Variants in SUSD5 observed in about 807,000 individuals in gnomAD.
SUSD5 encodes sushi domain-containing protein 5.
In SUSD5, 33 loss-of-function variants were observed where a neutral mutation model predicts 29.5. The ratio of observed to expected loss-of-function variants is 1.12; its 90% CI spans 0.85 to 1.49. The LOEUF (loss-of-function observed/expected upper bound fraction) is 1.49. SUSD5 is among the 40% of genes most tolerant of loss of function. The pLI is 0.00. For synonymous variants in SUSD5, 308 were observed against 325.3 expected, an observed-to-expected ratio of 0.95 and a Z score of 0.57; for missense variants, 776 against 800.6, an observed-to-expected ratio of 0.97 and a Z score of 0.37.
At chr3:33,196,821 AC>A (rs537931411) in intron 3 of SUSD5, among the ~76,000 whole-genome samples, 78 of 152,160 alleles carry the variant, frequency 5.1e-4, no homozygotes, top group Non-Finnish European at 1.1e-3. Flanking sequence ...TCCAACCCAA[AC>A]GGCAGTGCCT....
intron 3 of SUSD5, among the ~76,000 whole-genome samples, chr3:33,199,571 C>T (rs2032070869): frequency 6.6e-6 from 1 of 152,158 alleles, no homozygotes; most frequent in African/African-American, 2.4e-5. Context: ...CCACGCCCAA[C>T]CAAAAAAAGT....
intron 2 of SUSD5, among the ~76,000 whole-genome samples, 158 bp from the exon 3 acceptor site, chr3:33,208,084 A>T (rs2032256212): frequency 6.6e-6 from 1 of 151,968 alleles, no homozygotes; most frequent in Admixed American, 6.5e-5. Flanking sequence ...TGCAAAAAAA[A>T]GGTCTAAATT....
intron 4 of SUSD5, among the ~76,000 whole-genome samples, chr3:33,158,650 G>T (rs960471410): frequency 6.6e-6 from 1 of 152,254 alleles, no homozygotes; most frequent in Admixed American, 6.5e-5. Context: ...CATATTCTGC[G>T]GTACTGCAGA....
At chr3:33,178,882 C>A (rs1194681798) in intron 3 of SUSD5, among the ~76,000 whole-genome samples, 1 of 152,168 alleles carries the variant, frequency 6.6e-6, no homozygotes, top group East Asian at 1.9e-4. Flanking sequence ...CACTAGTGAA[C>A]CCTCTGGGCT....
intron 3 of SUSD5, among the ~76,000 whole-genome samples, chr3:33,184,499 A>G (rs12632656): frequency 0.26 from 39,966 of 151,982 alleles, 5,551 homozygotes; most frequent in East Asian, 0.43. Flanking sequence ...GGTCATTACG[A>G]TTTCAAATAT....
intron 4 of SUSD5, among the ~76,000 whole-genome samples, chr3:33,169,133 A>C (rs899780444): frequency 6.6e-6 from 1 of 152,252 alleles, no homozygotes; most frequent in African/African-American, 2.4e-5. Context: ...AAAGGGGCAC[A>C]AGGAAACTTG....
intron 2 of SUSD5, among the ~76,000 whole-genome samples, chr3:33,208,127 T>C (rs184427079): frequency 6.6e-6 from 1 of 152,340 alleles, no homozygotes; most frequent in Non-Finnish European, 1.5e-5. Flanking sequence ...GTTGATGTTA[T>C]AGGTATCAAT....
chr3:33,154,452 G>A (rs767220691), intron 4 of SUSD5, among the ~76,000 whole-genome samples: 36 of 152,180 alleles, frequency 2.4e-4, no homozygotes, highest in Non-Finnish European at 4.6e-4. Context: ...GAACCCGGAA[G>A]GCGGACGTTG....
At chr3:33,203,684 C>T (rs917945352) in intron 3 of SUSD5, among the ~76,000 whole-genome samples, 1 of 152,178 alleles carries the variant, frequency 6.6e-6, no homozygotes, top group African/African-American at 2.4e-5. Flanking sequence ...AGCCCAAAAG[C>T]TGAGACGACC....
intron 3 of SUSD5, among the ~76,000 whole-genome samples, chr3:33,180,582 T>C (rs1441735274): frequency 6.6e-6 from 1 of 151,784 alleles, no homozygotes; most frequent in East Asian, 1.9e-4. Flanking sequence ...ATCCCAACAC[T>C]TTGGAAGGCT....
chr3:33,210,792 A>G (rs541104576), intron 2 of SUSD5, among the ~76,000 whole-genome samples: 7 of 152,352 alleles, frequency 4.6e-5, no homozygotes, highest in Admixed American at 4.6e-4. Flanking sequence ...ATATGTTTTA[A>G]AAAATAAATT....
intron 3 of SUSD5, among the ~76,000 whole-genome samples, chr3:33,194,434 AGG>A (rs2031956284): frequency 6.6e-6 from 1 of 152,198 alleles, no homozygotes; most frequent in Non-Finnish European, 1.5e-5. Flanking sequence ...AGGGGAGATG[AGG>A]GCAGAGGTCA....
Position 33,160,445 on chromosome 3 carries a change from C to G in SUSD5, c.599-6412G>C, listed in dbSNP as rs895563082. 1.6e-4 allele frequency among the ~76,000 whole-genome samples: 24 copies of G among 151,752 alleles called. 1 individual carries two copies. The highest frequency in any genetic ancestry group is 1.6e-3 in the Admixed American group (24 of 15,232). On this transcript the variant is annotated intron_variant, in intron 4 of 4. Transcript: ENST00000309558. The stretch of plus-strand genomic sequence containing the variant: ...TGGCACACACCTGTAGTCCTAGCTA[C>G]TCGGCAGGCTGAGGCAGGAGGATCA...
intron 1 of SUSD5, among the ~76,000 whole-genome samples, chr3:33,215,140 C>T (rs979473369): frequency 2.6e-5 from 4 of 151,870 alleles, no homozygotes. Flanking sequence ...AGGTGACTGG[C>T]ACTCCTACAT....
rs1233889161 is a variant in SUSD5 at position 33,204,439 on chromosome 3, G to A, written c.409+3369C>T. Among the ~76,000 whole-genome samples, 2 of 151,970 alleles carry A rather than the reference G, an allele frequency of 1.3e-5. No individual in the cohort carries two copies. On this transcript the variant is annotated intron_variant, in intron 3 of 4. Coordinates refer to ENST00000309558, the MANE Select transcript of SUSD5 (RefSeq NM_015551.2). This position sits in a 1 kb window ranked among gnomAD's most constrained non-coding sequence, Gnocchi z 4.5. ...AAGTTAACACCATTCTCCTGCCTCA[G>A]CCTCCCGAGCAGCTGGGACGACAGG...
chr3:33,203,690 C>T (rs539217757), intron 3 of SUSD5, among the ~76,000 whole-genome samples: 7 of 152,312 alleles, frequency 4.6e-5, no homozygotes, highest in South Asian at 2.1e-4. Context: ...AAAGCTGAGA[C>T]GACCTAGATA....
At position 33,152,853 on chromosome 3, in the gene SUSD5, C is replaced by G. The variant is rs773702662; in HGVS notation, c.1779G>C (p.Gly593=). 5 of 1,613,996 alleles carry G rather than the reference C, an allele frequency of 3.1e-6. No homozygotes were observed. The South Asian group carries it at 4.4e-5, about 14-fold the overall frequency. The change falls in exon 5 of 5, where the codon GGG becomes GGC. Residue 593 remains glycine, a synonymous_variant. Transcript: ENST00000309558. ...GGCACTTGCGGTAGCCCCACACCAT[C>G]CCCACACCTGCCAGGAGCAGCAGTA... is the stretch of plus-strand genomic sequence containing the variant. ...LCLLLLLAGV[G]MVWGYRKCQH... is the part of the protein sequence containing the mutation.
rs759637677 is a variant in SUSD5 at position 33,214,074 on chromosome 3, G to A, written c.144C>T (p.Gly48=). 3 of 1,611,726 alleles carry A rather than the reference G, an allele frequency of 1.9e-6. No homozygotes were observed. The highest frequency in any genetic ancestry group is 1.1e-5 in the South Asian group (1 of 90,708). The change falls in exon 2 of 5, where the codon GGC becomes GGT. Residue 48 remains glycine, a synonymous_variant. Transcript: ENST00000309558. The part of the protein sequence containing the change: ...GKFFVLESQN[G]SQGLQLEAAR... ...CAGCCTCCAGTTGTAGGCCCTGAGA[G>A]CCATTCTGAGACTCCAGCACAAAGA...
chr3:33,178,943 A>T (rs773050455), intron 3 of SUSD5, among the ~76,000 whole-genome samples: 2 of 151,200 alleles, frequency 1.3e-5, no homozygotes, highest in Admixed American at 6.6e-5. Context: ...TCTGCCTTAA[A>T]TGTTTGGCAG....
Sources: allele counts gnomAD v4.1 joint callset (sites outside exome capture counted in the v4.1 genomes callset), GRCh38; gene constraint gnomAD v4.1.1; non-coding constraint Gnocchi (gnomAD v3.1); transcripts MANE v1.5; gene names NCBI Gene and HGNC (gene_info 2026-07-23, HGNC 2026-07-21).